ARHGEF10: variants seen among roughly 807,000 people sequenced by gnomAD.
The protein encoded by ARHGEF10 is Rho guanine nucleotide exchange factor (GEF) 10.
ARHGEF10 carries 140 observed loss-of-function variants against 147.4 expected under a neutral mutation model. The ratio of observed to expected loss-of-function variants is 0.95; its 90% CI spans 0.83 to 1.09. The LOEUF is 1.09. Among genes scored for constraint, ARHGEF10 ranks in the 50% least tolerant of loss-of-function variants. ARHGEF10 has a pLI of 0.00. For synonymous variants in ARHGEF10, 902 were observed against 695.8 expected (o/e 1.30, Z -4.67); for missense variants, 2,222 against 1,752.7 (o/e 1.27, Z -4.78).
At chr8:1,841,824 A>C (rs1804058494) in intron 1 of ARHGEF10, among the ~76,000 whole-genome samples, 23 of 98,730 alleles carry the variant, frequency 2.3e-4, no homozygotes, top group South Asian at 2.0e-3. Context: ...CGCGGCGGGA[A>C]CTGGGGCCGC....
intron 26 of ARHGEF10, among the ~76,000 whole-genome samples, chr8:1,944,330 C>T (rs560250434): frequency 3.3e-5 from 5 of 152,232 alleles, no homozygotes; most frequent in South Asian, 2.1e-4. Context: ...GGCCCTGCAG[C>T]GCCCCTGTGT....
intron 18 of ARHGEF10, among the ~76,000 whole-genome samples, chr8:1,919,952 T>TATGGGTGATGGAGCTGTTCC (rs1812121690): frequency 6.9e-6 from 1 of 144,994 alleles, no homozygotes; most frequent in African/African-American, 2.6e-5. Flanking sequence ...GGAGCTGTTC[T>TATGGGTGATGGAGCTGTTCC]ATGGGTGATG....
chr8:1,905,855 G>C, intron 17 of ARHGEF10, 139 bp downstream of exon 17: 1 of 1,054,338 alleles, frequency 9.5e-7, no homozygotes, highest in Non-Finnish European at 1.4e-6. Context: ...GTGACTAAGG[G>C]AACCCTTATA....
chr8:1,944,413 G>A (rs897750616), intron 26 of ARHGEF10, among the ~76,000 whole-genome samples: 57 of 152,214 alleles, frequency 3.7e-4, no homozygotes, highest in African/African-American at 1.3e-3. Context: ...TGGGAGAAGG[G>A]ATCTCCCATC....
chr8:1,825,874 T>C (rs1427778211), intron 1 of ARHGEF10, among the ~76,000 whole-genome samples: 1 of 152,244 alleles, frequency 6.6e-6, no homozygotes, highest in East Asian at 1.9e-4. Context: ...TGACTTAATG[T>C]CCATATGGGT....
intron 18 of ARHGEF10, among the ~76,000 whole-genome samples, chr8:1,915,332 G>T (rs776779308): frequency 6.6e-6 from 1 of 152,228 alleles, no homozygotes; most frequent in Non-Finnish European, 1.5e-5. Context: ...ATTCTGGGCA[G>T]TGGGTAAAAA....
chr8:1,839,157 C>CGGTGTGGGGACAGCCT (rs1803776659), intron 1 of ARHGEF10, among the ~76,000 whole-genome samples: 1 of 111,302 alleles, frequency 9.0e-6, no homozygotes, highest in East Asian at 3.1e-4. Context: ...GGGGACTGTC[C>CGGTGTGGGGACAGCCT]GGTGTGGGGA....
At chr8:1,944,872 A>T (rs951758913) in intron 26 of ARHGEF10, among the ~76,000 whole-genome samples, 2 of 152,200 alleles carry the variant, frequency 1.3e-5, no homozygotes, top group African/African-American at 4.8e-5. Context: ...TCGCTGTGTT[A>T]GCAGCTCCTG....
intron 25 of ARHGEF10, among the ~76,000 whole-genome samples, chr8:1,933,432 T>G (rs1301849081): frequency 6.6e-6 from 1 of 152,046 alleles, no homozygotes; most frequent in Non-Finnish European, 1.5e-5. Context: ...TTATTTCATT[T>G]TTAACTTTTG....
intron 8 of ARHGEF10, 70 bp from the exon 9 acceptor site, chr8:1,879,978 C>T: frequency 9.2e-7 from 1 of 1,081,434 alleles, no homozygotes; most frequent in Non-Finnish European, 1.4e-6. Flanking sequence ...AGCATCCTCT[C>T]AATGTAAAAT....
At chr8:1,910,816 T>G (rs893678728) in intron 18 of ARHGEF10, among the ~76,000 whole-genome samples, 2 of 152,238 alleles carry the variant, frequency 1.3e-5, no homozygotes, top group African/African-American at 4.8e-5. Flanking sequence ...GCTAGCAATC[T>G]TAGAATTTAT....
chr8:1,830,347 G>C (rs1399484371), intron 1 of ARHGEF10, among the ~76,000 whole-genome samples: 2 of 152,354 alleles, frequency 1.3e-5, no homozygotes, highest in Non-Finnish European at 2.9e-5. Context: ...CAGCATCCAG[G>C]CTGCCAGGAG....
intron 1 of ARHGEF10, among the ~76,000 whole-genome samples, chr8:1,840,746 A>G (rs1456361308): frequency 6.6e-6 from 1 of 152,164 alleles, no homozygotes; most frequent in African/African-American, 2.4e-5. Flanking sequence ...TGGTCCAAGC[A>G]TGTCTGTCTG....
intron 7 of ARHGEF10, chr8:1,875,916 A>T (rs903094433): frequency 6.5e-6 from 1 of 153,476 alleles, no homozygotes; most frequent in African/African-American, 2.4e-5. Flanking sequence ...GATTATTTGT[A>T]TCTAAGAAAC....
Position 1,925,268 on chromosome 8 carries a change from T to C in ARHGEF10, c.2489-15T>C. 6.2e-7 allele frequency: 1 copy of C among 1,614,158 alleles called. No homozygotes were observed. The highest frequency in any genetic ancestry group is 8.5e-7 in the Non-Finnish European group (1 of 1,180,016). ...AACTGCATTCTTGCTCATTTCTCTC[T>C]GAATATAATTGCAGAAGAGGAGAAC... is the stretch of plus-strand genomic sequence containing the variant. On this transcript the variant is annotated splice_polypyrimidine_tract_variant and intron_variant, in intron 21 of 28. Coordinates refer to ENST00000349830, the MANE Select transcript of ARHGEF10 (RefSeq NM_014629.4).
At chr8:1,898,035 C>T (rs1391919117) in intron 14 of ARHGEF10, among the ~76,000 whole-genome samples, 1 of 152,176 alleles carries the variant, frequency 6.6e-6, no homozygotes, top group African/African-American at 2.4e-5. Flanking sequence ...CACTGCACAT[C>T]CCTGATGTGC....
chr8:1,837,483 A>G (rs1020808838), intron 1 of ARHGEF10, among the ~76,000 whole-genome samples: 2 of 152,148 alleles, frequency 1.3e-5, no homozygotes, highest in Non-Finnish European at 2.9e-5. Flanking sequence ...ATTTTTGTAG[A>G]GAAACAAATA....
intron 27 of ARHGEF10, among the ~76,000 whole-genome samples, chr8:1,949,611 C>T (rs1375825557): frequency 2.0e-5 from 3 of 151,896 alleles, no homozygotes; most frequent in African/African-American, 4.8e-5. Flanking sequence ...CTCCACCGAG[C>T]GAATACAGAG....
intron 18 of ARHGEF10, among the ~76,000 whole-genome samples, chr8:1,911,109 G>A (rs565067241): frequency 1.3e-5 from 2 of 152,292 alleles, no homozygotes; most frequent in African/African-American, 4.8e-5. Flanking sequence ...CACAGCAAGA[G>A]GAGAAACACT....
Sources: allele counts gnomAD v4.1 joint callset (sites outside exome capture counted in the v4.1 genomes callset), GRCh38; gene constraint gnomAD v4.1.1; transcripts MANE v1.5; gene names NCBI Gene and HGNC (gene_info 2026-07-23, HGNC 2026-07-21).